NFU1: variants seen among roughly 807,000 people sequenced by gnomAD.
NFU1 encodes NFU1 iron-sulfur cluster scaffold, also known as NFU1 iron-sulfur cluster scaffold homolog, mitochondrial.
NFU1 carries 30 observed loss-of-function variants against 32.2 expected under a neutral mutation model. The observed-to-expected ratio is 0.93, with a 90% CI of 0.70 to 1.26. The LOEUF (loss-of-function observed/expected upper bound fraction) is 1.26, where lower values mean the gene tolerates loss of function less well. NFU1 is among the 50% of genes most tolerant of loss of function. The pLI is 0.00. For missense variants in NFU1, 306 were observed against 306.6 expected (o/e 1.00, Z 0.02); for synonymous variants, 112 against 104.6 (o/e 1.07, Z -0.43).
At chr2:69,436,674 G>T (rs1182260422) in intron 1 of NFU1, among the ~76,000 whole-genome samples, 1 of 152,158 alleles carries the variant, frequency 6.6e-6, no homozygotes. Flanking sequence ...ACTCTAGAGG[G>T]CAAACTCTCC....
At chr2:69,406,187 T>A in intron 5 of NFU1, 105 bp from the exon 6 acceptor site, 1 of 712,672 alleles carries the variant, frequency 1.4e-6, no homozygotes, top group Non-Finnish European at 2.5e-6. Flanking sequence ...ATTAAAAACA[T>A]AAAACTATAG....
In NFU1 at chr2:69,406,864, G is replaced by C. The variant is rs116862292; in HGVS notation, c.485-782C>G. Among the ~76,000 whole-genome samples the C allele has an allele frequency of 4.9e-4, 74 of 152,242 alleles. 1 individual carries two copies. In the East Asian group the frequency reaches 0.012, roughly 25 times the overall value. On this transcript the variant is annotated intron_variant, in intron 5 of 7. Transcript: ENST00000410022. ...CTATGTGTTGTGGGAGGGAGCTGGT[G>C]GGAGGTAACTGAATCATGGGGGTAG...
upstream of NFU1, chr2:69,437,436 G>A (rs754694509): frequency 1.9e-6 from 3 of 1,609,954 alleles, no homozygotes; most frequent in Admixed American, 5.0e-5. Flanking sequence ...AGTCCGGAGT[G>A]CCTAAGGGTC....
chr2:69,428,739 C>G (rs1673545537), intron 2 of NFU1, among the ~76,000 whole-genome samples: 1 of 152,108 alleles, frequency 6.6e-6, no homozygotes, highest in Non-Finnish European at 1.5e-5. Flanking sequence ...TTTCACATCA[C>G]CTATTTTAGG....
intron 3 of NFU1, among the ~76,000 whole-genome samples, chr2:69,420,163 G>A (rs752899543): frequency 7.2e-5 from 11 of 151,838 alleles, no homozygotes; most frequent in Non-Finnish European, 1.6e-4. Context: ...CCACCACCAC[G>A]CCCAGCTAAT....
rs757971255 is a variant in NFU1 at position 69,406,070 on chromosome 2, T to A, written c.497A>T (p.Asp166Val). Residue 166 changes from aspartate (D) to valine (V), a missense_variant, in exon 6 of 8, where the codon GAT becomes GTT. By Grantham distance (152) the Asp-to-Val change is radical. Transcript: ENST00000410022. The part of the protein sequence containing the change: ...TPSGEAGSEE[D>V]DEVVAMIKEL... The stretch of plus-strand genomic sequence containing the variant: ...CTTAATCATTGCCACAACTTCATCA[T>A]CTTCTTCAGATCCTAGAAATAATTA... 13 of 1,591,832 alleles carry A rather than the reference T, an allele frequency of 8.2e-6. No homozygotes were observed. Among genetic ancestry groups the A allele is most frequent in the Non-Finnish European group, 9.5e-6 (11 of 1,161,108 alleles).
chr2:69,437,549 G>A (rs749543301), upstream of NFU1: 3 of 1,162,358 alleles, frequency 2.6e-6, no homozygotes, highest in Non-Finnish European at 3.7e-6. Context: ...GTCCTGCTGC[G>A]GATAAGTGCG....
intron 7 of NFU1, chr2:69,399,213 A>G: frequency 1.0e-5 from 2 of 200,594 alleles, no homozygotes; most frequent in Non-Finnish European, 2.1e-5. Flanking sequence ...CTGTCTCCAA[A>G]AAAAAAAAAA....
upstream of NFU1, among the ~76,000 whole-genome samples, chr2:69,438,787 G>C (rs1403147334): frequency 1.3e-5 from 2 of 151,878 alleles, no homozygotes; most frequent in Non-Finnish European, 2.9e-5. Context: ...ACACTGAGTG[G>C]GCTGTGCCTC....
intron 4 of NFU1, 72 bp from the exon 5 acceptor site, chr2:69,415,371 C>A (rs1040655409): frequency 2.7e-4 from 219 of 817,918 alleles, no homozygotes; most frequent in Non-Finnish European, 3.3e-4. Context: ...CTACCTTATA[C>A]CTCTTTTTTC....
chr2:69,400,354 A>G lies in NFU1; in HGVS notation c.720+10T>C. On this transcript the variant is annotated intron_variant, in intron 7 of 7. Transcript: ENST00000410022. ...AAAAAAATCTAGACTGTCATATAAT[A>G]TTGGCATACCTGTTCTACGCCTTCT... 1 of 1,611,148 alleles carries G rather than the reference A, an allele frequency of 6.2e-7. No individual in the cohort carries two copies. The highest frequency in any genetic ancestry group is 8.5e-7 in the Non-Finnish European group (1 of 1,177,296).
intron 4 of NFU1, among the ~76,000 whole-genome samples, chr2:69,418,950 C>T (rs1016955633): frequency 1.3e-5 from 2 of 152,050 alleles, no homozygotes; most frequent in African/African-American, 4.8e-5. Context: ...TAGTTCATGT[C>T]CCATTAATCT....
chr2:69,406,189 A>G, intron 5 of NFU1, 107 bp from the exon 6 acceptor site: 1 of 696,350 alleles, frequency 1.4e-6, no homozygotes, highest in Non-Finnish European at 2.5e-6. Context: ...TAAAAACATA[A>G]AACTATAGAA....
downstream of NFU1, chr2:69,395,995 T>C (rs569536930): frequency 2.1e-5 from 9 of 427,008 alleles, no homozygotes; most frequent in East Asian, 1.9e-4. Flanking sequence ...TTCACACATA[T>C]GCAAAGAAAG....
In NFU1 at chr2:69,431,916, G is replaced by C. The variant is rs1673651793; in HGVS notation, c.152C>G (p.Ala51Gly). 1.2e-6 allele frequency: 2 copies of C among 1,610,242 alleles called. No individual in the cohort carries two copies. The highest frequency in any genetic ancestry group is 1.7e-6 in the Non-Finnish European group (2 of 1,176,616). ...VQRPLFPLPA[A>G]FYHPVRYMFI... ...TGAAATTTTACCTGGGTGATAAAAG[G>C]CTGCAGGTAGTGGGAAAAGTGGTCT... is the stretch of plus-strand genomic sequence containing the variant. Residue 51 changes from alanine (A) to glycine (G), a missense_variant, in exon 2 of 8, where the codon GCC (alanine) becomes GGC (glycine). Transcript: ENST00000410022.
intron 6 of NFU1, among the ~76,000 whole-genome samples, chr2:69,405,178 C>T (rs1469917265): frequency 3.9e-5 from 6 of 152,078 alleles, no homozygotes; most frequent in African/African-American, 9.6e-5. Context: ...ACCCGGGAGG[C>T]GAGGCTGTAG....
intron 5 of NFU1, among the ~76,000 whole-genome samples, chr2:69,409,362 T>C (rs1574121516): frequency 6.6e-6 from 1 of 152,202 alleles, no homozygotes; most frequent in East Asian, 1.9e-4. Context: ...GTTCATTCCT[T>C]TTAACTGCTG....
At chr2:69,433,400 G>A (rs1174558024) in intron 1 of NFU1, among the ~76,000 whole-genome samples, 3 of 150,750 alleles carry the variant, frequency 2.0e-5, no homozygotes, top group Non-Finnish European at 3.0e-5. Flanking sequence ...GGATGGTCTC[G>A]AACTCTTGAC....
chr2:69,436,908 C>T (rs1423459326), intron 1 of NFU1, among the ~76,000 whole-genome samples: 2 of 152,174 alleles, frequency 1.3e-5, no homozygotes, highest in Non-Finnish European at 2.9e-5. Flanking sequence ...TTGGACATGT[C>T]ACCTCCTCTT....
Sources: gnomAD v4.1 joint callset for allele counts (sites outside exome capture counted in the v4.1 genomes callset) on GRCh38, gnomAD v4.1.1 for gene constraint, MANE v1.5 for transcripts, NCBI Gene and HGNC (gene_info 2026-07-23, HGNC 2026-07-21) for gene names.